ADGRL2: variants seen among roughly 807,000 people sequenced by gnomAD.
ADGRL2 encodes calcium-independent alpha-latrotoxin receptor 2.
ADGRL2 carries 44 observed loss-of-function variants against 157.4 expected under a neutral mutation model. The ratio of observed to expected loss-of-function variants is 0.28; its 90% confidence interval spans 0.22 to 0.36. The LOEUF (loss-of-function observed/expected upper bound fraction) is 0.36. Ranked by LOEUF, ADGRL2 falls within the 10% of genes least tolerant of loss-of-function variation. The pLI is 1.00. For missense variants in ADGRL2, 1,510 were observed against 1,768.9 expected, an observed-to-expected ratio of 0.85 and a Z score of 2.63; for synonymous variants, 585 against 624.7, an observed-to-expected ratio of 0.94 and a Z score of 0.95.
intron 2 of ADGRL2, among the ~76,000 whole-genome samples, chr1:81,839,768 CATATATATATATTTTCCATCAT>C (rs1380953301): frequency 2.0e-4 from 29 of 144,652 alleles, no homozygotes; most frequent in African/African-American, 5.6e-4. Context: ...TTTTTTTCAT[CATATATATATATTTTCCATCAT>C]ATATATATAT....
intron 2 of ADGRL2, among the ~76,000 whole-genome samples, chr1:81,562,394 A>G (rs1245305841): frequency 6.6e-6 from 1 of 152,194 alleles, no homozygotes; most frequent in African/African-American, 2.4e-5. Flanking sequence ...CTAGGAAACA[A>G]TTACACCCAG....
chr1:81,719,604 C>T (rs531290318), intron 1 of ADGRL2, among the ~76,000 whole-genome samples: 1 of 152,214 alleles, frequency 6.6e-6, no homozygotes, highest in South Asian at 2.1e-4. Context: ...CCAACCTCAC[C>T]TCCCCAGTCA....
At chr1:81,622,531 A>G (rs1425277768) in intron 3 of ADGRL2, among the ~76,000 whole-genome samples, 1 of 152,192 alleles carries the variant, frequency 6.6e-6, no homozygotes, top group Non-Finnish European at 1.5e-5. Flanking sequence ...CAGTGAGCCA[A>G]GATCGTGCCA....
At chr1:81,402,413 G>A (rs186834764) in intron 1 of ADGRL2, among the ~76,000 whole-genome samples, 15 of 152,234 alleles carry the variant, frequency 9.9e-5, no homozygotes, top group African/African-American at 3.6e-4. Flanking sequence ...GGGTCACTGG[G>A]TGATGATTCT....
intron 3 of ADGRL2, among the ~76,000 whole-genome samples, chr1:81,650,458 T>C (rs2147387): frequency 0.87 from 131,984 of 151,598 alleles, 57,634 homozygotes; most frequent in African/African-American, 0.93. Flanking sequence ...CGCCCATAAT[T>C]CCAGCTACTC....
intron 1 of ADGRL2, among the ~76,000 whole-genome samples, chr1:81,712,271 T>C (rs1419892622): frequency 2.0e-5 from 3 of 152,186 alleles, no homozygotes; most frequent in Non-Finnish European, 4.4e-5. Context: ...TTGTATTGCA[T>C]AGACATTTGT....
At chr1:81,837,612 G>T (rs1216326753) in intron 2 of ADGRL2, among the ~76,000 whole-genome samples, 1 of 151,800 alleles carries the variant, frequency 6.6e-6, no homozygotes, top group Admixed American at 6.6e-5. Flanking sequence ...AATAGATGTG[G>T]AATTTTTCTT....
intron 17 of ADGRL2, 24 bp downstream of exon 17, chr1:81,971,942 G>A (rs1481065822): frequency 6.5e-7 from 1 of 1,531,978 alleles, no homozygotes; most frequent in East Asian, 2.3e-5. Context: ...GTTTTCCCTT[G>A]CTTTTTAGCT....
rs138475370 is a variant in ADGRL2 at position 81,394,080 on chromosome 1, C to T, written c.-301-50956C>T. On this transcript the variant is annotated intron_variant, in intron 1 of 24. Coordinates refer to the ADGRL2 transcript ENST00000370721. ...AAAATGGAATTACAATATGTAGTTG[C>T]CTGTTTTTAAAAAAAATGCAAGTTT... 1.3e-4 allele frequency among the ~76,000 whole-genome samples: 19 copies of T among 151,986 alleles called. No homozygotes were observed. The East Asian group carries it at 3.3e-3, about 26-fold the overall frequency.
rs748752495 is a variant in ADGRL2 at position 81,943,139 on chromosome 1, G to A, written c.580G>A (p.Glu194Lys). The change falls in exon 6 of 24, where the codon GAA becomes AAA. Residue 194 changes from glutamate (E) to lysine (K), a missense_variant. Physicochemically the swap from Glu to Lys is moderately conservative, Grantham distance 56 (BLOSUM62 1). Coordinates refer to ENST00000686636, the MANE Select transcript of ADGRL2 (RefSeq NM_001366006.2). This position sits in a 1 kb window ranked among gnomAD's most constrained non-coding sequence, Gnocchi z 5.6. The part of the protein sequence containing the change: ...TDTLIEYASL[E>K]DFQNSRQTTT... Reference sequence around the variant, plus strand: ...TACTTTAATAGAATATGCTTCTTTAGAAGATTTCCAAAATAGTCGCCAAAC... The same window carrying A: ...TACTTTAATAGAATATGCTTCTTTAAAAGATTTCCAAAATAGTCGCCAAAC... 7 of 1,613,506 alleles carry A rather than the reference G, an allele frequency of 4.3e-6. No individual in the cohort carries two copies. In the Admixed American group the frequency reaches 6.7e-5, roughly 15 times the overall value.
intron 2 of ADGRL2, among the ~76,000 whole-genome samples, chr1:81,475,042 C>T (rs919994446): frequency 6.6e-6 from 1 of 152,186 alleles, no homozygotes; most frequent in Non-Finnish European, 1.5e-5. Flanking sequence ...AGAGTCATCA[C>T]AATTCGTTCC....
intron 2 of ADGRL2, among the ~76,000 whole-genome samples, chr1:81,482,822 T>A (rs1432479720): frequency 2.6e-5 from 4 of 151,252 alleles, no homozygotes; most frequent in Non-Finnish European, 4.4e-5. Flanking sequence ...ATATGTTTTA[T>A]ATATTGAATT....
At chr1:81,536,175 A>G (rs1416011858) in intron 2 of ADGRL2, among the ~76,000 whole-genome samples, 3 of 152,134 alleles carry the variant, frequency 2.0e-5, no homozygotes, top group Non-Finnish European at 4.4e-5. Context: ...TAAACATCCA[A>G]ACATTTGTTG....
chr1:81,600,387 T>A (rs1440333020), intron 3 of ADGRL2, among the ~76,000 whole-genome samples: 1 of 152,146 alleles, frequency 6.6e-6, no homozygotes, highest in Admixed American at 6.6e-5. Flanking sequence ...CCTCTTGAAA[T>A]TTTTCTTCTC....
chr1:81,983,475 G>C (rs1047179646), intron 19 of ADGRL2, among the ~76,000 whole-genome samples: 6 of 151,950 alleles, frequency 3.9e-5, no homozygotes, highest in Admixed American at 3.9e-4. Context: ...AGATTTAAAA[G>C]GCCATCTACT....
chr1:81,600,071 G>A (rs1345478885), intron 3 of ADGRL2, among the ~76,000 whole-genome samples: 5 of 152,136 alleles, frequency 3.3e-5, no homozygotes, highest in African/African-American at 7.2e-5. Context: ...ACACTTGAGC[G>A]TTTATTTTTC....
At chr1:81,611,476 C>T (rs920394229) in intron 3 of ADGRL2, among the ~76,000 whole-genome samples, 1 of 152,204 alleles carries the variant, frequency 6.6e-6, no homozygotes, top group Non-Finnish European at 1.5e-5. Context: ...CCCAACAACA[C>T]AAGCCTTATT....
intron 2 of ADGRL2, among the ~76,000 whole-genome samples, chr1:81,768,081 T>G (rs2086206392): frequency 6.6e-6 from 1 of 152,172 alleles, no homozygotes; most frequent in Non-Finnish European, 1.5e-5. Context: ...GACCTCACTT[T>G]GTTGCCCAGG....
At chr1:81,768,672 T>C (rs1043126324) in intron 2 of ADGRL2, among the ~76,000 whole-genome samples, 1 of 152,060 alleles carries the variant, frequency 6.6e-6, no homozygotes, top group African/African-American at 2.4e-5. Context: ...AGGGTCTCAC[T>C]ATGTTGTTCA....
Sources: gnomAD v4.1 joint callset for allele counts (sites outside exome capture counted in the v4.1 genomes callset) on GRCh38, gnomAD v4.1.1 for gene constraint, Gnocchi (gnomAD v3.1) non-coding constraint, MANE v1.5 for transcripts, NCBI Gene and HGNC (gene_info 2026-07-23, HGNC 2026-07-21) for gene names.